HECTD2: variants seen among roughly 807,000 people sequenced by gnomAD.
The protein encoded by HECTD2 is probable E3 ubiquitin-protein ligase HECTD2.
A neutral mutation model predicts 103.2 loss-of-function variants in HECTD2; 35 were observed. The observed-to-expected ratio is 0.34, with a 90% CI of 0.26 to 0.45. HECTD2 has a LOEUF of 0.45. Among genes scored for constraint, HECTD2 ranks in the 20% least tolerant of loss-of-function variants. The probability of loss-of-function intolerance (pLI) is 1.00; values close to 1 mark genes in which losing one functional copy is unlikely to be tolerated. For synonymous variants in HECTD2, 281 were observed against 329.9 expected (o/e 0.85, Z 1.61); for missense variants, 596 against 937.4 (o/e 0.64, Z 4.76).
chr10:91,501,655 GT>G (rs1021486616), intron 20 of HECTD2, among the ~76,000 whole-genome samples: 2 of 151,682 alleles, frequency 1.3e-5, no homozygotes, highest in Non-Finnish European at 2.9e-5. Context: ...TGTGAAATGT[GT>G]TTTTTATTTT....
At chr10:91,415,942 A>C (rs1355690899) in intron 1 of HECTD2, among the ~76,000 whole-genome samples, 1 of 152,176 alleles carries the variant, frequency 6.6e-6, no homozygotes, top group Non-Finnish European at 1.5e-5. Context: ...GGCTTTATAA[A>C]TACATACCCA....
rs575846643 is a variant in HECTD2, at chr10:91,451,918, A to T, written c.269-8509A>T. On this transcript the variant is annotated intron_variant, in intron 2 of 20. Coordinates refer to ENST00000298068, the MANE Select transcript of HECTD2 (RefSeq NM_182765.6). Reference sequence around the variant, plus strand: ...ATTAAATTCTATATATGTATATTTCATTATTATAGACCTTAAAATCTATAA... The same window carrying T: ...ATTAAATTCTATATATGTATATTTCTTTATTATAGACCTTAAAATCTATAA... 1.5e-3 allele frequency among the ~76,000 whole-genome samples: 224 copies of T among 152,250 alleles called. 1 individual carries two copies. Among genetic ancestry groups the T allele is most frequent in the Middle Eastern group, 3.4e-3 (1 of 294 alleles).
intron 2 of HECTD2, among the ~76,000 whole-genome samples, chr10:91,450,478 G>A (rs1428754519): frequency 1.3e-5 from 2 of 152,040 alleles, no homozygotes; most frequent in East Asian, 1.9e-4. Context: ...AAGACTTCAC[G>A]GCTAAAACAC....
At chr10:91,439,363 A>G (rs1295620713) in intron 2 of HECTD2, among the ~76,000 whole-genome samples, 2 of 151,994 alleles carry the variant, frequency 1.3e-5, no homozygotes, top group African/African-American at 4.8e-5. Context: ...TTTTTGTCAG[A>G]TTTGTCAAAG....
At chr10:91,425,876 T>A (rs1039447796) in intron 2 of HECTD2, among the ~76,000 whole-genome samples, 2 of 151,958 alleles carry the variant, frequency 1.3e-5, no homozygotes, top group East Asian at 3.9e-4. Flanking sequence ...AGCTTATAGA[T>A]GTTATAACGA....
chr10:91,461,878 G>A (rs1845364919), intron 4 of HECTD2, among the ~76,000 whole-genome samples: 1 of 151,930 alleles, frequency 6.6e-6, no homozygotes, highest in South Asian at 2.1e-4. Flanking sequence ...TTGCTCTAAT[G>A]TTCATGTTTA....
chr10:91,509,710 G>A (rs1335527868), intron 20 of HECTD2, among the ~76,000 whole-genome samples: 1 of 152,166 alleles, frequency 6.6e-6, no homozygotes, highest in African/African-American at 2.4e-5. Context: ...TTACTTGTAA[G>A]TGGGAGCTAA....
intron 2 of HECTD2, among the ~76,000 whole-genome samples, chr10:91,428,539 C>T (rs2133051011): frequency 6.6e-6 from 1 of 152,202 alleles, no homozygotes; most frequent in East Asian, 1.9e-4. Context: ...TGTTTATATC[C>T]TCTTTTATTT....
chr10:91,481,553 G>C (rs182113664), intron 7 of HECTD2, among the ~76,000 whole-genome samples: 1 of 150,772 alleles, frequency 6.6e-6, no homozygotes, highest in East Asian at 1.9e-4. Context: ...ACTTCACTAT[G>C]TATTTTTCAA....
At chr10:91,409,937 C>T (rs1320430491), upstream of HECTD2, among the ~76,000 whole-genome samples, 1 of 152,194 alleles carries the variant, frequency 6.6e-6, no homozygotes. Context: ...ACGTCCTGCC[C>T]TACTGGTACC....
At chr10:91,490,848 G>A (rs560923373) in intron 11 of HECTD2, among the ~76,000 whole-genome samples, 6 of 124,188 alleles carry the variant, frequency 4.8e-5, no homozygotes, top group African/African-American at 1.3e-4. Context: ...CCGGGATAGC[G>A]CCACTGCAGT....
At chr10:91,465,089 T>A (rs1845484679) in intron 5 of HECTD2, among the ~76,000 whole-genome samples, 1 of 152,222 alleles carries the variant, frequency 6.6e-6, no homozygotes, top group Non-Finnish European at 1.5e-5. Flanking sequence ...TTTTAGTAGT[T>A]TGGGTTTTTT....
intron 2 of HECTD2, among the ~76,000 whole-genome samples, chr10:91,452,301 G>A (rs1844869730): frequency 6.6e-6 from 1 of 152,060 alleles, no homozygotes; most frequent in Non-Finnish European, 1.5e-5. Context: ...ACCTCATTCA[G>A]AAGAAATCCA....
At chr10:91,432,972 C>G (rs1212895861) in intron 2 of HECTD2, among the ~76,000 whole-genome samples, 2 of 151,954 alleles carry the variant, frequency 1.3e-5, no homozygotes, top group Non-Finnish European at 2.9e-5. Context: ...TCTCTAAGAG[C>G]AACTTGAGGG....
intron 1 of HECTD2, among the ~76,000 whole-genome samples, chr10:91,413,536 A>C (rs561236762): frequency 2.4e-4 from 37 of 152,304 alleles, no homozygotes; most frequent in African/African-American, 8.9e-4. Context: ...GTTAAATCAG[A>C]ATTTCTGGGG....
At chr10:91,462,930 C>T (rs1845405688) in intron 5 of HECTD2, 1 of 180,854 alleles carries the variant, frequency 5.5e-6, no homozygotes. Flanking sequence ...AGAGGTGTTA[C>T]ACATTTCTCA....
At chr10:91,417,249 A>G (rs1407501473) in intron 1 of HECTD2, among the ~76,000 whole-genome samples, 3 of 152,160 alleles carry the variant, frequency 2.0e-5, no homozygotes, top group African/African-American at 4.8e-5. Context: ...TTAAGTTGAT[A>G]TTTGTAACTT....
chr10:91,439,848 T>C (rs1844320481), intron 2 of HECTD2, among the ~76,000 whole-genome samples: 2 of 152,198 alleles, frequency 1.3e-5, no homozygotes, highest in African/African-American at 2.4e-5. Context: ...GTAGCAGTTA[T>C]GAATGGGAGT....
intron 2 of HECTD2, among the ~76,000 whole-genome samples, chr10:91,438,318 T>C (rs1279689714): frequency 6.6e-6 from 1 of 152,098 alleles, no homozygotes; most frequent in African/African-American, 2.4e-5. Flanking sequence ...CACTTACGAG[T>C]GAGAACATGC....
Sources: allele counts gnomAD v4.1 joint callset (sites outside exome capture counted in the v4.1 genomes callset), GRCh38; gene constraint gnomAD v4.1.1; transcripts MANE v1.5; gene names NCBI Gene and HGNC (gene_info 2026-07-23, HGNC 2026-07-21).